Variants in ASAP2 observed in about 807,000 individuals in gnomAD.
ASAP2 encodes the protein ArfGAP with SH3 domain, ankyrin repeat and PH domain 2, also known as arf-GAP with SH3 domain, ANK repeat and PH domain-containing protein 2.
ASAP2 carries 45 observed loss-of-function variants against 131.4 expected under a neutral mutation model. The ratio of observed to expected loss-of-function variants is 0.34; its 90% confidence interval spans 0.27 to 0.44. ASAP2 has a LOEUF of 0.44. ASAP2 is among the 20% of genes least tolerant of loss of function. The pLI is 1.00. For missense variants in ASAP2, 1,011 were observed against 1,297.0 expected (o/e 0.78, Z 3.39); for synonymous variants, 510 against 503.0 (o/e 1.01, Z -0.19).
At chr2:9,236,404 TTA>T (rs1663554289) in intron 1 of ASAP2, among the ~76,000 whole-genome samples, 1 of 152,230 alleles carries the variant, frequency 6.6e-6, no homozygotes, top group Admixed American at 6.5e-5. Flanking sequence ...CTTGCCTGTA[TTA>T]TTTTTTTCTG....
chr2:9,361,530 C>A (rs1673077656), intron 15 of ASAP2, among the ~76,000 whole-genome samples: 1 of 151,750 alleles, frequency 6.6e-6, no homozygotes, highest in South Asian at 2.1e-4. Flanking sequence ...CTTTTCTTTT[C>A]TTTTTTCTTT....
chr2:9,397,797 C>T (rs1315562278), intron 24 of ASAP2, among the ~76,000 whole-genome samples: 3 of 112,728 alleles, frequency 2.7e-5, no homozygotes, highest in Middle Eastern at 0.018. Flanking sequence ...CTCGCTCTGT[C>T]GCCCAGGCTG....
intron 2 of ASAP2, among the ~76,000 whole-genome samples, chr2:9,289,299 C>T (rs1165185461): frequency 2.6e-5 from 4 of 152,178 alleles, no homozygotes; most frequent in Non-Finnish European, 4.4e-5. Flanking sequence ...TGTGTCGCTG[C>T]ACTGAACTGA....
rs1675477772 is a variant in ASAP2, at chr2:9,388,549, A to G, written c.2383+3A>G. 3 of 1,611,356 alleles carry G rather than the reference A, an allele frequency of 1.9e-6. No homozygotes were observed. The highest frequency in any genetic ancestry group is 2.2e-5 in the South Asian group (2 of 90,612). On this transcript the variant is annotated splice_donor_region_variant and intron_variant, in intron 22 of 27. Transcript: ENST00000281419. Reference sequence around the variant, plus strand: ...TCCTCCACGGAATGTTGGCAAAGGTATGAAGCTGTCCGTCATCCCTGTGAA... The same window carrying G: ...TCCTCCACGGAATGTTGGCAAAGGTGTGAAGCTGTCCGTCATCCCTGTGAA...
intron 8 of ASAP2, 133 bp downstream of exon 8, chr2:9,334,946 G>A: frequency 7.5e-7 from 1 of 1,339,102 alleles, no homozygotes. Context: ...TCCCACGCCT[G>A]TCCTCTGTCT....
At chr2:9,228,527 A>T (rs1326452934) in intron 1 of ASAP2, among the ~76,000 whole-genome samples, 1 of 152,140 alleles carries the variant, frequency 6.6e-6, no homozygotes, top group Non-Finnish European at 1.5e-5. Context: ...CAGGAGGAGT[A>T]AACCCATTTG....
At chr2:9,320,989 G>A (rs142480883) in intron 5 of ASAP2, among the ~76,000 whole-genome samples, 17 of 152,242 alleles carry the variant, frequency 1.1e-4, no homozygotes, top group Admixed American at 1.0e-3. Context: ...AGTAGAGAGA[G>A]TCGAGCTACA....
intron 23 of ASAP2, among the ~76,000 whole-genome samples, chr2:9,391,469 A>G (rs1480714067): frequency 6.6e-6 from 1 of 151,940 alleles, no homozygotes; most frequent in African/African-American, 2.4e-5. Flanking sequence ...TTCCTCCTTT[A>G]CACAGTACCC....
At position 9,270,773 on chromosome 2, in the gene ASAP2, T is replaced by C. The variant is rs561435818; in HGVS notation, c.127-8544T>C. Among the ~76,000 whole-genome samples the C allele has an allele frequency of 3.6e-3, 521 of 145,806 alleles. 6 individuals carry two copies. Among genetic ancestry groups the C allele is most frequent in the African/African-American group, 0.012 (487 of 39,292 alleles). On this transcript the variant is annotated intron_variant, in intron 1 of 27. Transcript: ENST00000281419. ...CCTTCTACTGTCAGTCTCCATGAGT[T>C]CAATTGTTTTCATTTTTTTTTTTTT...
At position 9,323,727 on chromosome 2, in the gene ASAP2, A is replaced by G. The variant is rs574692517; in HGVS notation, c.600+477A>G. On this transcript the variant is annotated intron_variant, in intron 6 of 27. Coordinates refer to ENST00000281419, the MANE Select transcript of ASAP2 (RefSeq NM_003887.3). ...ACTTCCTGCTAGACCTCACCTGCTCAGGCGGGGGCACTCATCTAGCCCGAA... is the reference window on the plus strand; with the variant it reads ...ACTTCCTGCTAGACCTCACCTGCTCGGGCGGGGGCACTCATCTAGCCCGAA... Among the ~76,000 whole-genome samples the G allele has an allele frequency of 3.1e-3, 471 of 152,242 alleles. 1 individual carries two copies. The highest frequency in any genetic ancestry group is 4.9e-3 in the Non-Finnish European group (330 of 68,008).
chr2:9,375,021 T>G, intron 17 of ASAP2, 77 bp downstream of exon 17: 1 of 1,387,386 alleles, frequency 7.2e-7, no homozygotes, highest in Non-Finnish European at 9.6e-7. Context: ...GATCCAGTAC[T>G]TTACTTCAGG....
intron 7 of ASAP2, among the ~76,000 whole-genome samples, chr2:9,331,037 G>A (rs940427544): frequency 7.9e-5 from 12 of 152,230 alleles, no homozygotes; most frequent in African/African-American, 2.7e-4. Context: ...GCTCGCAGCC[G>A]TGCGTGTTTC....
At chr2:9,375,438 A>G (rs1057090373) in intron 17 of ASAP2, among the ~76,000 whole-genome samples, 10 of 152,126 alleles carry the variant, frequency 6.6e-5, no homozygotes, top group East Asian at 1.9e-4. Context: ...AATTGTATCT[A>G]TGTTCATGGG....
intron 12 of ASAP2, 67 bp from the exon 13 acceptor site, chr2:9,355,980 A>G (rs1672671468): frequency 1.3e-6 from 2 of 1,565,688 alleles, no homozygotes; most frequent in East Asian, 2.2e-5. Flanking sequence ...ATTAGAAACT[A>G]TTTTCTTTTG....
At chr2:9,235,348 C>T (rs1207708649) in intron 1 of ASAP2, among the ~76,000 whole-genome samples, 6 of 152,216 alleles carry the variant, frequency 3.9e-5, no homozygotes, top group Non-Finnish European at 8.8e-5. Flanking sequence ...GCCAAGGCAG[C>T]CTTGCCTCTC....
At chr2:9,286,437 GAA>G (rs556978805) in intron 2 of ASAP2, among the ~76,000 whole-genome samples, 38 of 128,882 alleles carry the variant, frequency 2.9e-4, no homozygotes, top group African/African-American at 5.1e-4. Context: ...TTTAAAAAAG[GAA>G]AAAAAAAAAT....
intron 14 of ASAP2, among the ~76,000 whole-genome samples, chr2:9,356,563 C>A (rs1284387217): frequency 6.6e-6 from 1 of 152,134 alleles, no homozygotes; most frequent in Non-Finnish European, 1.5e-5. Context: ...CAGAGCAGGA[C>A]TGAGTAAAGA....
intron 1 of ASAP2, among the ~76,000 whole-genome samples, chr2:9,277,702 C>A (rs751154001): frequency 6.6e-6 from 1 of 152,196 alleles, no homozygotes; most frequent in Non-Finnish European, 1.5e-5. Context: ...AGTGAACCGA[C>A]AGGGACACAT....
chr2:9,390,394 G>A (rs1675626262), intron 22 of ASAP2, among the ~76,000 whole-genome samples: 1 of 152,234 alleles, frequency 6.6e-6, no homozygotes, highest in South Asian at 2.1e-4. Context: ...TACAGGCCGT[G>A]CACAGCCTCC....
Sources: allele counts gnomAD v4.1 joint callset (sites outside exome capture counted in the v4.1 genomes callset), GRCh38; gene constraint gnomAD v4.1.1; transcripts MANE v1.5; gene names NCBI Gene and HGNC (gene_info 2026-07-23, HGNC 2026-07-21).